SLC2A13: variants seen among roughly 807,000 people sequenced by gnomAD.
SLC2A13 encodes the protein proton myo-inositol cotransporter.
A neutral mutation model predicts 64.4 loss-of-function variants in SLC2A13; 32 were observed. The observed-to-expected ratio is 0.50, with a 90% CI of 0.37 to 0.67. SLC2A13 has a LOEUF of 0.67. Ranked by LOEUF, SLC2A13 falls within the 30% of genes least tolerant of loss-of-function variation. The pLI, the probability that SLC2A13 is intolerant of heterozygous loss-of-function variation, is 0.00. For synonymous variants in SLC2A13, 338 were observed against 327.1 expected, an observed-to-expected ratio of 1.03 and a Z score of -0.36; for missense variants, 743 against 829.2, an observed-to-expected ratio of 0.90 and a Z score of 1.28.
intron 7 of SLC2A13, among the ~76,000 whole-genome samples, chr12:39,810,370 C>T (rs1218300748): frequency 6.6e-6 from 1 of 151,948 alleles, no homozygotes; most frequent in Non-Finnish European, 1.5e-5. Flanking sequence ...CTACAATGAC[C>T]TTTTTTGAGA....
At chr12:40,057,319 G>T (rs556142707) in intron 1 of SLC2A13, among the ~76,000 whole-genome samples, 2 of 152,128 alleles carry the variant, frequency 1.3e-5, no homozygotes, top group South Asian at 2.1e-4. Flanking sequence ...ATGAACTCAG[G>T]TATGGGTGCT....
chr12:39,975,733 C>T (rs1257571425), intron 3 of SLC2A13, among the ~76,000 whole-genome samples: 2 of 152,298 alleles, frequency 1.3e-5, no homozygotes, highest in African/African-American at 4.8e-5. Context: ...ATGACTCATG[C>T]ACAAAACAGA....
At chr12:40,046,029 T>C (rs936696993) in intron 2 of SLC2A13, among the ~76,000 whole-genome samples, 2 of 152,230 alleles carry the variant, frequency 1.3e-5, no homozygotes, top group Non-Finnish European at 2.9e-5. Context: ...TTTACTCAAT[T>C]CATCAGAACA....
intron 3 of SLC2A13, among the ~76,000 whole-genome samples, chr12:40,002,992 C>A (rs943462758): frequency 1.5e-4 from 23 of 152,166 alleles, no homozygotes; most frequent in African/African-American, 5.3e-4. Flanking sequence ...TGGAAAGGAG[C>A]CCTCACGCTA....
At chr12:39,908,668 G>C (rs1444153525) in intron 4 of SLC2A13, among the ~76,000 whole-genome samples, 2 of 151,924 alleles carry the variant, frequency 1.3e-5, no homozygotes, top group Admixed American at 6.6e-5. Flanking sequence ...AAAGTACCAG[G>C]ATCCTGGTGT....
intron 6 of SLC2A13, among the ~76,000 whole-genome samples, chr12:39,857,247 T>C (rs1013520173): frequency 1.3e-5 from 2 of 152,214 alleles, no homozygotes; most frequent in African/African-American, 4.8e-5. Context: ...AATAAGGATA[T>C]AAATTACAGA....
intron 4 of SLC2A13, among the ~76,000 whole-genome samples, chr12:39,876,905 C>T (rs1184765056): frequency 6.6e-6 from 1 of 152,118 alleles, no homozygotes; most frequent in African/African-American, 2.4e-5. Flanking sequence ...GGACAAGTTA[C>T]ATGAGAAAGT....
intron 3 of SLC2A13, among the ~76,000 whole-genome samples, chr12:40,016,055 T>C (rs1370144714): frequency 6.6e-6 from 1 of 152,178 alleles, no homozygotes; most frequent in African/African-American, 2.4e-5. Context: ...TCTTCAAACT[T>C]TGCTCTTTAA....
rs532912802 is a variant in SLC2A13 at position 40,067,388 on chromosome 12, G to A, written c.557-19178C>T. Among the ~76,000 whole-genome samples, 9 of 151,732 alleles carry A rather than the reference G, an allele frequency of 5.9e-5. No homozygotes were observed. In the South Asian group the frequency reaches 1.9e-3, roughly 32 times the overall value. On this transcript the variant is annotated intron_variant, in intron 1 of 9. Transcript: ENST00000280871. ...GGCTAATTTTTTAATTTTTTATTTT[G>A]GTAGAAATGGGGTCTCACTTTGTTG... is the stretch of plus-strand genomic sequence containing the variant.
chr12:39,987,332 C>T (rs1947048925), intron 3 of SLC2A13, among the ~76,000 whole-genome samples: 1 of 152,206 alleles, frequency 6.6e-6, no homozygotes. Flanking sequence ...CATCTATACA[C>T]TGCTGATTCC....
intron 7 of SLC2A13, among the ~76,000 whole-genome samples, chr12:39,786,915 A>G (rs1199619707): frequency 2.0e-5 from 3 of 152,228 alleles, no homozygotes; most frequent in African/African-American, 7.2e-5. Context: ...TTCTTGGCAT[A>G]GCAGTCATAA....
intron 4 of SLC2A13, among the ~76,000 whole-genome samples, chr12:39,892,080 A>G (rs527345134): frequency 2.0e-5 from 3 of 152,292 alleles, no homozygotes; most frequent in East Asian, 3.9e-4. Flanking sequence ...AAAGTTTGCA[A>G]ATTACCAAAA....
chr12:40,092,044 T>C (rs1938786851), intron 1 of SLC2A13, among the ~76,000 whole-genome samples: 1 of 152,210 alleles, frequency 6.6e-6, no homozygotes, highest in South Asian at 2.1e-4. Flanking sequence ...TATTTTTCTA[T>C]TACTGTCTGT....
chr12:39,814,830 C>T (rs369536996), intron 7 of SLC2A13, among the ~76,000 whole-genome samples: 1 of 152,126 alleles, frequency 6.6e-6, no homozygotes, highest in East Asian at 1.9e-4. Context: ...TCACAATATG[C>T]ATTATCACAA....
chr12:39,976,604 C>T (rs1946764259), intron 3 of SLC2A13, among the ~76,000 whole-genome samples: 1 of 151,658 alleles, frequency 6.6e-6, no homozygotes, highest in South Asian at 2.1e-4. Context: ...CACTATGTTG[C>T]TCAGGTTGGT....
intron 3 of SLC2A13, among the ~76,000 whole-genome samples, chr12:39,961,406 A>T (rs1474625105): frequency 6.6e-6 from 1 of 152,106 alleles, no homozygotes; most frequent in Non-Finnish European, 1.5e-5. Flanking sequence ...AAGTTTCATC[A>T]GTAATATCCT....
At chr12:40,028,183 A>C (rs2128275) in intron 3 of SLC2A13, 118 bp downstream of exon 3, 155,948 of 460,622 alleles carry the variant, frequency 0.34, 27,131 homozygotes, top group African/African-American at 0.36. Flanking sequence ...ATAAATATCC[A>C]TATTTATACA....
At chr12:39,939,523 C>T (rs1015211290) in intron 4 of SLC2A13, among the ~76,000 whole-genome samples, 6 of 152,280 alleles carry the variant, frequency 3.9e-5, no homozygotes, top group Non-Finnish European at 7.3e-5. Context: ...TGAGCCTACT[C>T]CTACATTATG....
At chr12:39,990,175 A>G (rs1947109529) in intron 3 of SLC2A13, among the ~76,000 whole-genome samples, 1 of 152,186 alleles carries the variant, frequency 6.6e-6, no homozygotes, top group South Asian at 2.1e-4. Context: ...CTTTTATTAT[A>G]TAAAGTAGTC....
Sources: allele counts gnomAD v4.1 joint callset (sites outside exome capture counted in the v4.1 genomes callset), GRCh38; gene constraint gnomAD v4.1.1; transcripts MANE v1.5; gene names NCBI Gene and HGNC (gene_info 2026-07-23, HGNC 2026-07-21).